ZNF709: variants seen among roughly 807,000 people sequenced by gnomAD.
The protein encoded by ZNF709 is zinc finger protein 709.
ZNF709 carries 15 observed loss-of-function variants against 10.6 expected under a neutral mutation model. The ratio of observed to expected loss-of-function variants is 1.41; its 90% CI spans 0.95 to 2.18. ZNF709 has a LOEUF of 2.18. ZNF709 is among the 30% of genes most tolerant of loss of function. The pLI, the probability that ZNF709 is intolerant of heterozygous loss-of-function variation, is 0.00. For missense variants in ZNF709, 589 were observed against 774.0 expected (o/e 0.76, Z 2.84); for synonymous variants, 194 against 238.8 (o/e 0.81, Z 1.73).
chr19:12,465,511 C>A lies in ZNF709; in HGVS notation c.411G>T (p.Glu137Asp), dbSNP rs899117848. Residue 137 changes from glutamate (E) to aspartate (D), a missense_variant, in exon 4 of 4, where the codon GAG (glutamate) becomes GAT (aspartate). Coordinates refer to ENST00000397732, the MANE Select transcript of ZNF709 (RefSeq NM_152601.4). ...HRSYEYHKYG[E>D]KSYECKECGK... is the part of the protein sequence containing the mutation. ...CACATTCCTTACATTCATATGATTTCTCTCCATATTTGTGATATTCATATG... is the reference window on the plus strand; with the variant it reads ...CACATTCCTTACATTCATATGATTTATCTCCATATTTGTGATATTCATATG... 11 of 1,609,988 alleles carry A rather than the reference C, an allele frequency of 6.8e-6. No individual in the cohort carries two copies. The highest frequency in any genetic ancestry group is 9.3e-6 in the Non-Finnish European group (11 of 1,178,634).
At chr19:12,481,772 C>T (rs1970729167) in intron 1 of ZNF709, among the ~76,000 whole-genome samples, 1 of 151,750 alleles carries the variant, frequency 6.6e-6, no homozygotes, top group African/African-American at 2.4e-5. Flanking sequence ...TCAGGTGTGA[C>T]AGTGCACACC....
In ZNF709 at chr19:12,465,170, G is replaced by A; in HGVS notation, c.752C>T (p.Pro251Leu). ...NHERTHSGEKPYECKQCGKAF... is the reference protein window; with the variant it reads ...NHERTHSGEKLYECKQCGKAF... Reference sequence around the variant, plus strand: ...TTTTCCACATTGTTTACATTCATAGGGTTTCTCTCCAGAGTGAGTTCTTTC... The same window carrying A: ...TTTTCCACATTGTTTACATTCATAGAGTTTCTCTCCAGAGTGAGTTCTTTC... The change falls in exon 4 of 4, where the codon CCC becomes CTC. Residue 251 changes from proline (P) to leucine (L), a missense_variant. Physicochemically the swap from Pro to Leu is moderately conservative, Grantham distance 98 (BLOSUM62 -3). This residue lies in a region of ZNF709 where 418 missense variants were observed against 496.3 expected (regional missense o/e 0.84). Coordinates refer to ENST00000397732, the MANE Select transcript of ZNF709 (RefSeq NM_152601.4). 2 of 1,613,680 alleles carry A rather than the reference G, an allele frequency of 1.2e-6. No individual in the cohort carries two copies. The highest frequency in any genetic ancestry group is 1.7e-6 in the Non-Finnish European group (2 of 1,179,910).
intron 1 of ZNF709, among the ~76,000 whole-genome samples, chr19:12,467,900 C>G (rs1176247216): frequency 6.6e-5 from 10 of 151,796 alleles, no homozygotes; most frequent in African/African-American, 2.4e-4. Flanking sequence ...AGGAGCATCT[C>G]CGCCCGGCAG....
At chr19:12,479,515 T>A (rs1337089068) in intron 1 of ZNF709, among the ~76,000 whole-genome samples, 1 of 144,964 alleles carries the variant, frequency 6.9e-6, no homozygotes, top group East Asian at 2.0e-4. Flanking sequence ...TCTTCATTTT[T>A]AATCAACTTA....
chr19:12,484,764 A>T lies in ZNF709; in HGVS notation c.-107T>A, dbSNP rs1970764808. The T allele has an allele frequency of 1.4e-6, 2 of 1,478,498 alleles. No homozygotes were observed. The highest frequency in any genetic ancestry group is 1.9e-6 in the Non-Finnish European group (2 of 1,060,818). The allele number at this position is 1,478,498 out of a possible 1,614,324, so 91.6% of individuals were successfully genotyped here. On this transcript the variant is annotated 5_prime_UTR_variant, in exon 1 of 4. Transcript: ENST00000397732. The stretch of plus-strand genomic sequence containing the variant: ...CTCCACCTGAGGGCCTTCTGGGGTG[A>T]GGAGACCCCAGAGCGGAGCGCAGCG...
rs1970533246 is a variant in ZNF709 at position 12,463,445 on chromosome 19, C to A, written c.*551G>T. ...TACATTTATAGGGCATATGAAAATT[C>A]TTTACACTTCATATGCCTTCTCATG... On this transcript the variant is annotated 3_prime_UTR_variant, in exon 4 of 4. Transcript: ENST00000397732. 1 of 152,110 alleles carries A rather than the reference C, an allele frequency of 6.6e-6. No individual in the cohort carries two copies. The highest frequency in any genetic ancestry group is 6.5e-5 in the Admixed American group (1 of 15,274). 9.4% of individuals were successfully genotyped at this position (152,110 alleles called of 1,614,324 possible). A position where few individuals can be genotyped will look rare whatever the true frequency, so the allele number is the denominator to read the frequency against.
intron 1 of ZNF709, among the ~76,000 whole-genome samples, chr19:12,484,231 C>T (rs1970757578): frequency 1.3e-5 from 2 of 152,248 alleles, no homozygotes; most frequent in East Asian, 1.9e-4. Context: ...GCTTCCCATA[C>T]ACTTGGAAAC....
At position 12,465,349 on chromosome 19, in the gene ZNF709, A is replaced by G; in HGVS notation, c.573T>C (p.Thr191=). The G allele has an allele frequency of 1.2e-6, 2 of 1,613,390 alleles. No homozygotes were observed. The highest frequency in any genetic ancestry group is 1.7e-6 in the Non-Finnish European group (2 of 1,179,790). Residue 191 remains threonine (T), a synonymous_variant, in exon 4 of 4, where the codon ACT becomes ACC. Coordinates refer to ENST00000397732, the MANE Select transcript of ZNF709 (RefSeq NM_152601.4). The part of the protein sequence containing the change: ...SSFQIHERTH[T]GEKPYECKEC... ...CCTTACATTCATAAGGTTTCTCTCC[A>G]GTATGAGTTCTTTCATGTATTTGAA...
chr19:12,475,688 T>C (rs1970670848), intron 1 of ZNF709, among the ~76,000 whole-genome samples: 1 of 152,082 alleles, frequency 6.6e-6, no homozygotes, highest in Non-Finnish European at 1.5e-5. Flanking sequence ...ACTCAACAGA[T>C]TGTACTCAAA....
At position 12,466,753 on chromosome 19, in the gene ZNF709, T is replaced by G; in HGVS notation, c.101A>C (p.Gln34Pro). 2 of 1,614,014 alleles carry G rather than the reference T, an allele frequency of 1.2e-6. No individual in the cohort carries two copies. Among genetic ancestry groups the G allele is most frequent in the Non-Finnish European group, 1.7e-6 (2 of 1,179,968 alleles). The change falls in exon 2 of 4, where the codon CAA becomes CCA. Residue 34 changes from glutamine (Q) to proline (P), a missense_variant. Transcript: ENST00000397732. Reference sequence around the variant, plus strand: ...AGAGGCCAAGTTAACAAAGGTTTCTTGCATCACATCTCTGTAGAGTTTCTT... The same window carrying G: ...AGAGGCCAAGTTAACAAAGGTTTCTGGCATCACATCTCTGTAGAGTTTCTT... ...SQKKLYRDVMQETFVNLASIG... is the reference protein window; with the variant it reads ...SQKKLYRDVMPETFVNLASIG...
rs1381656887 is a variant in ZNF709 at position 12,464,778 on chromosome 19, G to A, written c.1144C>T (p.His382Tyr). 3 of 1,613,632 alleles carry A rather than the reference G, an allele frequency of 1.9e-6. No individual in the cohort carries two copies. The highest frequency in any genetic ancestry group is 2.5e-6 in the Non-Finnish European group (3 of 1,179,762). Reference sequence around the variant, plus strand: ...TTCTCTCCAGTGTGAGTTCGTTCATGGATTTGAAAAGAACTAGGACAATCA... The same window carrying A: ...TTCTCTCCAGTGTGAGTTCGTTCATAGATTTGAAAAGAACTAGGACAATCA... ...AFDCPSSFQIHERTHTGEKPY... is the reference protein window; with the variant it reads ...AFDCPSSFQIYERTHTGEKPY... The change falls in exon 4 of 4, where the codon CAT (histidine) becomes TAT (tyrosine). Residue 382 changes from histidine to tyrosine, a missense_variant. This residue lies in a region of ZNF709 where 418 missense variants were observed against 496.3 expected (regional missense o/e 0.84). Transcript: ENST00000397732.
In ZNF709 at chr19:12,465,508, T is replaced by C; in HGVS notation, c.414A>G (p.Lys138=). 6.2e-7 allele frequency: 1 copy of C among 1,610,112 alleles called. No individual in the cohort carries two copies. Among genetic ancestry groups the C allele is most frequent in the Non-Finnish European group, 8.5e-7 (1 of 1,178,686 alleles). The change falls in exon 4 of 4, where the codon AAA becomes AAG. Residue 138 remains lysine, a synonymous_variant. Coordinates refer to ENST00000397732, the MANE Select transcript of ZNF709 (RefSeq NM_152601.4). ...RSYEYHKYGE[K]SYECKECGKR... is the part of the protein sequence containing the mutation. ...TCCCACATTCCTTACATTCATATGATTTCTCTCCATATTTGTGATATTCAT... is the reference window on the plus strand; with the variant it reads ...TCCCACATTCCTTACATTCATATGACTTCTCTCCATATTTGTGATATTCAT...
At chr19:12,480,163 A>C (rs1384118048) in intron 1 of ZNF709, among the ~76,000 whole-genome samples, 2 of 152,046 alleles carry the variant, frequency 1.3e-5, no homozygotes, top group Non-Finnish European at 2.9e-5. Flanking sequence ...TTTTAAAAAA[A>C]AAACAAACAA....
At chr19:12,480,815 G>T (rs182870960) in intron 1 of ZNF709, among the ~76,000 whole-genome samples, 2 of 151,822 alleles carry the variant, frequency 1.3e-5, no homozygotes, top group South Asian at 4.2e-4. Flanking sequence ...TTAATCTGTC[G>T]CCCAGGCTGA....
intron 1 of ZNF709, among the ~76,000 whole-genome samples, chr19:12,469,733 C>T (rs1970619555): frequency 6.6e-6 from 1 of 152,060 alleles, no homozygotes; most frequent in South Asian, 2.1e-4. Flanking sequence ...CGCACCACTG[C>T]ACTCCAGCCT....
At position 12,462,986 on chromosome 19, in the gene ZNF709, C is replaced by T. The variant is rs977324056; in HGVS notation, c.*1010G>A. ...TAATAGAAATCCATAATTCAGAGAT[C>T]CATTTTAAGAATCAGTAACTGATAA... On this transcript the variant is annotated 3_prime_UTR_variant, in exon 4 of 4. Coordinates refer to ENST00000397732, the MANE Select transcript of ZNF709 (RefSeq NM_152601.4). 5.3e-5 allele frequency: 8 copies of T among 152,142 alleles called. No individual in the cohort carries two copies. Among genetic ancestry groups the T allele is most frequent in the African/African-American group, 1.7e-4 (7 of 41,426 alleles). The allele number at this position is 152,142 out of a possible 1,614,324, so 9.4% of individuals were successfully genotyped here.
intron 1 of ZNF709, among the ~76,000 whole-genome samples, chr19:12,480,166 AC>A (rs200750699): frequency 2.0e-5 from 3 of 152,084 alleles, no homozygotes; most frequent in African/African-American, 4.8e-5. Flanking sequence ...TAAAAAAAAA[AC>A]AAACAAAAAC....
intron 1 of ZNF709, among the ~76,000 whole-genome samples, chr19:12,472,959 T>C (rs578068056): frequency 5.9e-5 from 9 of 152,312 alleles, no homozygotes; most frequent in Admixed American, 5.9e-4. Context: ...TCCAATTTCT[T>C]ACATATTAGA....
chr19:12,469,213 A>G (rs941282884), intron 1 of ZNF709, among the ~76,000 whole-genome samples: 1 of 152,146 alleles, frequency 6.6e-6, no homozygotes, highest in Non-Finnish European at 1.5e-5. Flanking sequence ...TTACACTGAA[A>G]AGCCAGAGGG....
Sources: gnomAD v4.1 joint callset for allele counts (sites outside exome capture counted in the v4.1 genomes callset) on GRCh38, gnomAD v4.1.1 for gene constraint, gnomAD v4.1.1 regional missense constraint, MANE v1.5 for transcripts, NCBI Gene and HGNC (gene_info 2026-07-23, HGNC 2026-07-21) for gene names.